NKAIN3: variants seen among roughly 807,000 people sequenced by gnomAD.
NKAIN3 encodes sodium/potassium transporting ATPase interacting 3, also known as sodium/potassium-transporting ATPase subunit beta-1-interacting protein 3.
NKAIN3 carries 25 observed loss-of-function variants against 30.2 expected under a neutral mutation model. That is an observed-to-expected ratio of 0.83 (90% confidence interval 0.60 to 1.16). NKAIN3 has a LOEUF of 1.16. Ranked by LOEUF, NKAIN3 falls within the 50% of genes most tolerant of loss-of-function variation. The pLI is 0.00. For missense variants in NKAIN3, 225 were observed against 254.1 expected, an observed-to-expected ratio of 0.89 and a Z score of 0.78; for synonymous variants, 91 against 89.6, an observed-to-expected ratio of 1.02 and a Z score of -0.09.
chr8:62,532,816 G>C (rs75321492), intron 1 of NKAIN3, among the ~76,000 whole-genome samples: 1,942 of 152,218 alleles, frequency 0.013, 42 homozygotes, highest in African/African-American at 0.041. Flanking sequence ...CGCATGGATC[G>C]AGTAGTGAGA....
At chr8:62,270,209 A>G (rs989691494) in intron 1 of NKAIN3, among the ~76,000 whole-genome samples, 20 of 152,040 alleles carry the variant, frequency 1.3e-4, no homozygotes, top group African/African-American at 4.1e-4. Flanking sequence ...TCTCCTGAGT[A>G]GCTGGTATCA....
intron 1 of NKAIN3, among the ~76,000 whole-genome samples, chr8:62,512,907 C>T (rs918067264): frequency 2.0e-5 from 3 of 152,092 alleles, no homozygotes; most frequent in Admixed American, 2.0e-4. Flanking sequence ...TGACAAATGA[C>T]TGTCCTCCCA....
At chr8:62,805,954 A>C (rs2130704341) in intron 4 of NKAIN3, among the ~76,000 whole-genome samples, 1 of 152,316 alleles carries the variant, frequency 6.6e-6, no homozygotes, top group South Asian at 2.1e-4. Context: ...ACAAATTTAC[A>C]AGGAAAAAAC....
intron 1 of NKAIN3, among the ~76,000 whole-genome samples, chr8:62,290,916 A>G (rs2633162): frequency 5.3e-5 from 8 of 151,970 alleles, no homozygotes; most frequent in African/African-American, 7.2e-5. Flanking sequence ...CAATTTCAGA[A>G]CCTGGTATGG....
chr8:62,372,688 TTTTTA>T lies in NKAIN3; in HGVS notation c.54+123568_54+123572del, dbSNP rs1374407744. ...CTAAAATTGTATTGTTCTCAATTCATTTTTATTTTATGTTTCCTTGTTTTATGAAG... is the reference window on the plus strand; with the variant it reads ...CTAAAATTGTATTGTTCTCAATTCATTTTTATGTTTCCTTGTTTTATGAAG... On this transcript the variant is annotated intron_variant, in intron 1 of 6. Transcript: ENST00000623646. Among the ~76,000 whole-genome samples the T allele has an allele frequency of 2.6e-5, 4 of 152,184 alleles. No individual in the cohort carries two copies. The South Asian group carries it at 6.2e-4, about 24-fold the overall frequency.
intron 3 of NKAIN3, among the ~76,000 whole-genome samples, chr8:62,745,960 C>G (rs1237586582): frequency 6.6e-6 from 1 of 152,252 alleles, no homozygotes; most frequent in Non-Finnish European, 1.5e-5. Context: ...AATTACCTCA[C>G]TGTGACTTAC....
chr8:62,863,260 G>A, intron 4 of NKAIN3: 1 of 1,562,436 alleles, frequency 6.4e-7, no homozygotes, highest in Non-Finnish European at 8.7e-7. Flanking sequence ...TTTGTTTTTA[G>A]ATATTTTTCC....
rs560449506 is a variant in NKAIN3, at chr8:62,601,273, C to T, written c.273+11479C>T. Among the ~76,000 whole-genome samples the T allele has an allele frequency of 3.3e-5, 5 of 151,912 alleles. No homozygotes were observed. In the South Asian group the frequency reaches 6.2e-4, roughly 19 times the overall value. On this transcript the variant is annotated intron_variant, in intron 3 of 6. Coordinates refer to ENST00000623646, the MANE Select transcript of NKAIN3 (RefSeq NM_001304533.3). The stretch of plus-strand genomic sequence containing the variant: ...CATATTTATATTTTCTTTTTGATAT[C>T]TTCCTACCTGGACATTTTTCAAAAT...
chr8:62,654,940 A>T (rs1812723164), intron 3 of NKAIN3, among the ~76,000 whole-genome samples: 1 of 152,214 alleles, frequency 6.6e-6, no homozygotes, highest in Non-Finnish European at 1.5e-5. Flanking sequence ...CTATAGGTAG[A>T]TGTAGTCCAG....
intron 1 of NKAIN3, among the ~76,000 whole-genome samples, chr8:62,361,024 AAAAAAAAT>A: frequency 1.3e-5 from 2 of 151,110 alleles, no homozygotes; most frequent in Admixed American, 6.6e-5. Context: ...AAAAAAAAAA[AAAAAAAAT>A]GGCAGAAGGA....
At chr8:62,483,357 T>A in intron 1 of NKAIN3, 1 of 203,508 alleles carries the variant, frequency 4.9e-6, no homozygotes. Flanking sequence ...GAATGCACCC[T>A]GGCAGACTTT....
At chr8:62,813,102 G>A (rs1313453129) in intron 4 of NKAIN3, among the ~76,000 whole-genome samples, 3 of 151,868 alleles carry the variant, frequency 2.0e-5, no homozygotes, top group Non-Finnish European at 4.4e-5. Flanking sequence ...TAAAAAGGGT[G>A]TGTCCTTTCC....
chr8:62,809,577 A>T (rs1459957969), intron 4 of NKAIN3, among the ~76,000 whole-genome samples: 1 of 152,208 alleles, frequency 6.6e-6, no homozygotes, highest in African/African-American at 2.4e-5. Context: ...CTTGACTCAC[A>T]GTTTCATAGG....
At chr8:62,804,702 TG>T (rs1260992657) in intron 4 of NKAIN3, among the ~76,000 whole-genome samples, 2 of 152,216 alleles carry the variant, frequency 1.3e-5, no homozygotes, top group African/African-American at 2.4e-5. Context: ...TCATACTGAA[TG>T]GGCAAAAACT....
At chr8:62,931,413 G>A (rs918832557) in intron 5 of NKAIN3, among the ~76,000 whole-genome samples, 6 of 152,068 alleles carry the variant, frequency 3.9e-5, no homozygotes, top group Non-Finnish European at 8.8e-5. Flanking sequence ...TATATACCAA[G>A]CAGACACAGA....
intron 1 of NKAIN3, among the ~76,000 whole-genome samples, chr8:62,403,908 C>G (rs1803970096): frequency 6.6e-6 from 1 of 152,212 alleles, no homozygotes; most frequent in South Asian, 2.1e-4. Context: ...CACTCAATGC[C>G]AGCCCATGAA....
intron 1 of NKAIN3, among the ~76,000 whole-genome samples, chr8:62,547,301 C>A (rs1809048300): frequency 6.6e-6 from 1 of 152,186 alleles, no homozygotes; most frequent in South Asian, 2.1e-4. Flanking sequence ...CAGTTACTAA[C>A]ATAGGACCAC....
At chr8:62,395,138 C>T (rs571662350) in intron 1 of NKAIN3, among the ~76,000 whole-genome samples, 16 of 151,330 alleles carry the variant, frequency 1.1e-4, no homozygotes, top group South Asian at 8.4e-4. Context: ...ACTTCCCAGA[C>T]GGGGCGGCGA....
chr8:62,398,888 G>A (rs1322064120), intron 1 of NKAIN3, among the ~76,000 whole-genome samples: 1 of 152,140 alleles, frequency 6.6e-6, no homozygotes, highest in African/African-American at 2.4e-5. Context: ...TCAGGAGATC[G>A]AGACCATCCT....
Sources: gnomAD v4.1 joint callset for allele counts (sites outside exome capture counted in the v4.1 genomes callset) on GRCh38, gnomAD v4.1.1 for gene constraint, MANE v1.5 for transcripts, NCBI Gene and HGNC (gene_info 2026-07-23, HGNC 2026-07-21) for gene names.